RARB: variants seen among roughly 807,000 people sequenced by gnomAD.
RARB encodes HBV-activated protein.
In RARB, 17 loss-of-function variants were observed where a neutral mutation model predicts 51.9. That is an observed-to-expected ratio of 0.33 (90% CI 0.22 to 0.49). The LOEUF is 0.49. RARB is among the 20% of genes least tolerant of loss of function. RARB has a pLI of 0.99. For synonymous variants in RARB, 215 were observed against 195.4 expected (o/e 1.10, Z -0.84); for missense variants, 369 against 550.8 (o/e 0.67, Z 3.30).
chr3:25,230,568 A>G (rs532575846), intron 5 of RARB, among the ~76,000 whole-genome samples: 1 of 152,218 alleles, frequency 6.6e-6, no homozygotes, highest in Non-Finnish European at 1.5e-5. Context: ...AATAATTATC[A>G]TTATAATTAA....
rs955063509 is a variant in RARB, at chr3:25,079,603, T to G, written c.-328+19427T>G. ...AGGGTTTCTATCATAATATGTGCAT[T>G]GAATTTTTGAAGATACTTTTTCCAT... On this transcript the variant is annotated intron_variant, in intron 3 of 11. Coordinates refer to the RARB transcript ENST00000383772. 3.3e-5 allele frequency among the ~76,000 whole-genome samples: 5 copies of G among 152,350 alleles called. 1 individual carries two copies. The highest frequency in any genetic ancestry group is 6.8e-3 in the Middle Eastern group (2 of 294).
intron 2 of RARB, among the ~76,000 whole-genome samples, chr3:24,943,352 T>C (rs903117936): frequency 6.6e-6 from 1 of 152,190 alleles, no homozygotes; most frequent in Non-Finnish European, 1.5e-5. Context: ...ATTGCTACGC[T>C]CTTGTTATCG....
intron 5 of RARB, among the ~76,000 whole-genome samples, chr3:25,347,296 G>C (rs1366491417): frequency 6.6e-6 from 1 of 152,186 alleles, no homozygotes; most frequent in Non-Finnish European, 1.5e-5. Flanking sequence ...AGTAACGTAA[G>C]TGAAAAATGG....
At chr3:25,579,605 C>T (rs1469140471) in intron 4 of RARB, among the ~76,000 whole-genome samples, 1 of 152,182 alleles carries the variant, frequency 6.6e-6, no homozygotes, top group East Asian at 1.9e-4. Context: ...ATTTATTTAT[C>T]CACCCATCAG....
intron 2 of RARB, among the ~76,000 whole-genome samples, chr3:24,879,068 T>A (rs955357819): frequency 7.2e-5 from 11 of 152,276 alleles, no homozygotes; most frequent in Middle Eastern, 3.4e-3. Flanking sequence ...TTTTATATAT[T>A]TTTTTTCTCA....
At chr3:25,398,354 C>A (rs1402573023) in intron 5 of RARB, among the ~76,000 whole-genome samples, 1 of 152,078 alleles carries the variant, frequency 6.6e-6, no homozygotes, top group Admixed American at 6.6e-5. Context: ...CACTACTATA[C>A]CAAGGGGAAA....
chr3:25,548,065 C>T (rs1699689554), intron 3 of RARB, among the ~76,000 whole-genome samples: 1 of 149,866 alleles, frequency 6.7e-6, no homozygotes, highest in African/African-American at 2.5e-5. Context: ...TGCCCTCCCC[C>T]TGTAAAATAT....
chr3:24,840,091 C>T (rs187684911), intron 1 of RARB, among the ~76,000 whole-genome samples: 1 of 152,260 alleles, frequency 6.6e-6, no homozygotes, highest in Admixed American at 6.5e-5. Flanking sequence ...TAGGTTTTCT[C>T]ACCTGCAGAA....
intron 2 of RARB, among the ~76,000 whole-genome samples, chr3:24,883,508 C>T (rs1703212551): frequency 6.6e-6 from 1 of 152,024 alleles, no homozygotes; most frequent in Non-Finnish European, 1.5e-5. Flanking sequence ...AGCAGGAACA[C>T]TACTGTTTTG....
intron 4 of RARB, among the ~76,000 whole-genome samples, chr3:25,154,139 T>C (rs1270771248): frequency 6.6e-6 from 1 of 152,222 alleles, no homozygotes; most frequent in African/African-American, 2.4e-5. Context: ...ATTAAAGATA[T>C]CTTATTGATT....
At chr3:25,046,510 G>A (rs1176050401) in intron 2 of RARB, among the ~76,000 whole-genome samples, 1 of 152,144 alleles carries the variant, frequency 6.6e-6, no homozygotes, top group Non-Finnish European at 1.5e-5. Flanking sequence ...CTGGAGAGCA[G>A]TGGTGTGATC....
chr3:25,346,845 G>A (rs565083129), intron 5 of RARB, among the ~76,000 whole-genome samples: 22 of 152,090 alleles, frequency 1.4e-4, no homozygotes, highest in African/African-American at 5.3e-4. Context: ...AGGGCCTATT[G>A]GGGGATCTAC....
intron 2 of RARB, among the ~76,000 whole-genome samples, chr3:24,909,461 AAC>A (rs907274607): frequency 7.2e-5 from 11 of 152,174 alleles, no homozygotes; most frequent in Admixed American, 1.3e-4. Context: ...GCTATGAAAG[AAC>A]AGAGTGTGCA....
chr3:25,194,305 A>G (rs1442002143), intron 5 of RARB, among the ~76,000 whole-genome samples: 1 of 151,762 alleles, frequency 6.6e-6, no homozygotes, highest in East Asian at 1.9e-4. Flanking sequence ...AGCCTAGAGA[A>G]CTAATGTACT....
At chr3:24,937,121 T>C (rs1052509366) in intron 2 of RARB, among the ~76,000 whole-genome samples, 1 of 152,254 alleles carries the variant, frequency 6.6e-6, no homozygotes, top group Non-Finnish European at 1.5e-5. Context: ...TTGTCTCATA[T>C]AAGGCATGTC....
chr3:24,849,507 A>G (rs1307574691), intron 1 of RARB, among the ~76,000 whole-genome samples: 3 of 152,254 alleles, frequency 2.0e-5, no homozygotes, highest in Non-Finnish European at 4.4e-5. Context: ...TGGTTACAAC[A>G]TTTCCATCAA....
intron 2 of RARB, among the ~76,000 whole-genome samples, chr3:24,941,444 ACTG>A (rs1281252318): frequency 6.6e-6 from 1 of 151,008 alleles, no homozygotes; most frequent in Non-Finnish European, 1.5e-5. Flanking sequence ...ATCTCGGCTC[ACTG>A]CAACCTCCGC....
chr3:25,295,607 A>G (rs1236809544), intron 5 of RARB, among the ~76,000 whole-genome samples: 1 of 152,214 alleles, frequency 6.6e-6, no homozygotes, highest in Admixed American at 6.5e-5. Context: ...TCCCAGCCTC[A>G]TGACACTTTT....
chr3:25,331,225 C>A lies in RARB; in HGVS notation c.179-129968C>A, dbSNP rs191231628. ...ACCCCAAATCAACAGAATATACATT[C>A]ATCTCAGCACCACATCGCACTTATT... is the stretch of plus-strand genomic sequence containing the variant. On this transcript the variant is annotated intron_variant, in intron 5 of 11. Transcript: ENST00000383772. 2.5e-3 allele frequency among the ~76,000 whole-genome samples: 387 copies of A among 152,296 alleles called. 3 individuals are homozygous for A. The highest frequency in any genetic ancestry group is 7.9e-3 in the African/African-American group (328 of 41,556).
Sources: allele counts gnomAD v4.1 joint callset (sites outside exome capture counted in the v4.1 genomes callset), GRCh38; gene constraint gnomAD v4.1.1; transcripts MANE v1.5; gene names NCBI Gene and HGNC (gene_info 2026-07-23, HGNC 2026-07-21).